The following NCAM2 variants were observed in gnomAD, a reference collection of about 807,000 sequenced individuals.
NCAM2 encodes the protein neural cell adhesion molecule 2, also known as N-CAM-2.
Under a neutral mutation model 98.1 loss-of-function variants are expected in NCAM2, and 30 were observed. The ratio of observed to expected loss-of-function variants is 0.31; its 90% CI spans 0.23 to 0.41. The LOEUF is 0.41. Among genes scored for constraint, NCAM2 ranks in the 10% least tolerant of loss-of-function variants. NCAM2 has a pLI of 1.00. For synonymous variants in NCAM2, 368 were observed against 342.4 expected, an observed-to-expected ratio of 1.07 and a Z score of -0.83; for missense variants, 867 against 1,005.8, an observed-to-expected ratio of 0.86 and a Z score of 1.87.
intron 1 of NCAM2, among the ~76,000 whole-genome samples, chr21:21,117,477 A>G (rs1289808381): frequency 6.6e-6 from 1 of 152,194 alleles, no homozygotes; most frequent in African/African-American, 2.4e-5. Context: ...TATGAAAACA[A>G]CTTGTATTGA....
chr21:21,097,756 G>T, intron 1 of NCAM2, among the ~76,000 whole-genome samples: 1 of 151,266 alleles, frequency 6.6e-6, no homozygotes. Flanking sequence ...CAGACCTTCT[G>T]AGATTGTTTT....
intron 9 of NCAM2, among the ~76,000 whole-genome samples, chr21:21,398,781 C>A (rs1191521948): frequency 6.6e-6 from 1 of 152,110 alleles, no homozygotes; most frequent in African/African-American, 2.4e-5. Context: ...AATGATATTT[C>A]TATATATTGT....
intron 1 of NCAM2, among the ~76,000 whole-genome samples, chr21:21,017,700 T>C (rs564179376): frequency 2.2e-4 from 33 of 152,138 alleles, no homozygotes; most frequent in Non-Finnish European, 4.1e-4. Flanking sequence ...TGTATGAAAC[T>C]ATGCACGCGC....
At chr21:21,031,831 C>T (rs1200011192) in intron 1 of NCAM2, among the ~76,000 whole-genome samples, 3 of 151,900 alleles carry the variant, frequency 2.0e-5, no homozygotes, top group African/African-American at 7.3e-5. Flanking sequence ...CACACACACT[C>T]ACACACACGT....
chr21:21,182,976 A>T (rs1005651501), intron 1 of NCAM2, among the ~76,000 whole-genome samples: 1 of 152,138 alleles, frequency 6.6e-6, no homozygotes, highest in Non-Finnish European at 1.5e-5. Flanking sequence ...TTGAACGTGT[A>T]CTTTTATAAT....
intron 1 of NCAM2, among the ~76,000 whole-genome samples, chr21:21,195,086 T>A (rs2068958063): frequency 6.6e-6 from 1 of 152,158 alleles, no homozygotes; most frequent in African/African-American, 2.4e-5. Context: ...ACTTTAAGAT[T>A]AGGGAATGAG....
intron 8 of NCAM2, among the ~76,000 whole-genome samples, chr21:21,363,113 G>T (rs1198431260): frequency 6.6e-6 from 1 of 152,078 alleles, no homozygotes; most frequent in Non-Finnish European, 1.5e-5. Flanking sequence ...ATTGATTAGT[G>T]AATAATTTGT....
intron 16 of NCAM2, among the ~76,000 whole-genome samples, chr21:21,514,194 C>A (rs1463280540): frequency 2.0e-5 from 3 of 150,464 alleles, no homozygotes; most frequent in East Asian, 1.9e-4. Context: ...TACATATAAC[C>A]TCTTTTCTTA....
At chr21:21,190,110 C>A (rs553189970) in intron 1 of NCAM2, among the ~76,000 whole-genome samples, 118 of 152,244 alleles carry the variant, frequency 7.8e-4, no homozygotes, top group Non-Finnish European at 8.5e-4. Flanking sequence ...GATGCATTCA[C>A]TGGGGAAGAA....
At chr21:21,110,498 A>G (rs1879271707) in intron 1 of NCAM2, among the ~76,000 whole-genome samples, 2 of 151,912 alleles carry the variant, frequency 1.3e-5, no homozygotes, top group Admixed American at 6.6e-5. Flanking sequence ...TGGGGACTCT[A>G]CATATAAAGA....
At chr21:21,385,382 A>ACACACG (rs1420021623) in intron 9 of NCAM2, among the ~76,000 whole-genome samples, 1 of 141,414 alleles carries the variant, frequency 7.1e-6, no homozygotes, top group African/African-American at 2.7e-5. Flanking sequence ...ACACACACAC[A>ACACACG]CACACACACA....
At position 21,037,692 on chromosome 21, in the gene NCAM2, C is replaced by A. The variant is rs551715487; in HGVS notation, c.55+39074C>A. Among the ~76,000 whole-genome samples the A allele has an allele frequency of 5.3e-5, 8 of 152,216 alleles. No homozygotes were observed. In the South Asian group the frequency reaches 1.2e-3, roughly 24 times the overall value. On this transcript the variant is annotated intron_variant, in intron 1 of 17. Transcript: ENST00000400546. ...CCAAAGCATAAAAGTACACTGTAGA[C>A]ATATTACTGGAATTTGGATTTTGTC...
At chr21:21,410,511 T>A in intron 10 of NCAM2, 50 bp downstream of exon 10, 1 of 1,061,580 alleles carries the variant, frequency 9.4e-7, no homozygotes, top group Non-Finnish European at 1.3e-6. Flanking sequence ...AACAACTATC[T>A]ACTATTTCAG....
At chr21:21,431,992 T>C (rs977226102) in intron 11 of NCAM2, 116 bp from the exon 12 acceptor site, 25 of 809,170 alleles carry the variant, frequency 3.1e-5, no homozygotes, top group Middle Eastern at 2.9e-4. Flanking sequence ...CTCGAACATA[T>C]TAAGTGATAC....
chr21:21,045,468 A>AC (rs745323725), intron 1 of NCAM2, among the ~76,000 whole-genome samples: 1 of 151,998 alleles, frequency 6.6e-6, no homozygotes, highest in Admixed American at 6.6e-5. Context: ...ACATAGTGAG[A>AC]CCCCCATCTC....
chr21:21,076,101 A>G (rs1277089240), intron 1 of NCAM2, among the ~76,000 whole-genome samples: 1 of 147,906 alleles, frequency 6.8e-6, no homozygotes, highest in Non-Finnish European at 1.5e-5. Flanking sequence ...TGAGCGACAG[A>G]GTGAGACCCC....
chr21:21,527,962 G>A (rs1989418981), intron 16 of NCAM2, among the ~76,000 whole-genome samples: 1 of 152,142 alleles, frequency 6.6e-6, no homozygotes, highest in African/African-American at 2.4e-5. Context: ...CCTTCAGTAG[G>A]TAAATGAATA....
chr21:21,161,227 G>A lies in NCAM2; in HGVS notation c.56-119351G>A, dbSNP rs534649692. Among the ~76,000 whole-genome samples, 28 of 151,934 alleles carry A rather than the reference G, an allele frequency of 1.8e-4. No individual in the cohort carries two copies. The South Asian group carries it at 5.6e-3, about 30-fold the overall frequency. On this transcript the variant is annotated intron_variant, in intron 1 of 17. Coordinates refer to ENST00000400546, the MANE Select transcript of NCAM2 (RefSeq NM_004540.5). ...TAATCTTAAGACAGAATGAAGATTA[G>A]GGAAACCAATGATTATAGAGAAAAA...
intron 15 of NCAM2, among the ~76,000 whole-genome samples, chr21:21,497,227 A>C (rs936573581): frequency 1.1e-4 from 17 of 152,092 alleles, no homozygotes; most frequent in Non-Finnish European, 8.8e-5. Context: ...GGTGTGGGTT[A>C]AAAAACTACC....
Sources: gnomAD v4.1 joint callset for allele counts (sites outside exome capture counted in the v4.1 genomes callset) on GRCh38, gnomAD v4.1.1 for gene constraint, MANE v1.5 for transcripts, NCBI Gene and HGNC (gene_info 2026-07-23, HGNC 2026-07-21) for gene names.